MOSPD1: variants seen among roughly 807,000 people sequenced by gnomAD.
MOSPD1 encodes the protein motile sperm domain-containing protein 1.
MOSPD1 carries 5 observed loss-of-function variants against 16.7 expected under a neutral mutation model. The observed-to-expected ratio is 0.30, with a 90% confidence interval of 0.16 to 0.63. The LOEUF (loss-of-function observed/expected upper bound fraction) is 0.63. Among genes scored for constraint, MOSPD1 ranks in the 30% least tolerant of loss-of-function variants. MOSPD1 has a pLI of 0.82. For synonymous variants in MOSPD1, 67 were observed against 59.2 expected (o/e 1.13, Z -0.61); for missense variants, 104 against 153.6 (o/e 0.68, Z 1.71).
chrX:134,905,730 A>G (rs1241784707), intron 1 of MOSPD1, among the ~76,000 whole-genome samples: 1 of 112,243 alleles, frequency 8.9e-6, no homozygotes, highest in Non-Finnish European at 1.9e-5. Flanking sequence ...CTGTGGGCTA[A>G]ACAGAATAAT....
rs145825906 is a variant in MOSPD1 at position 134,899,794 on chromosome X, T to G, written c.-101-260A>C. ...AAATACAAAATACAAAAATGCAAAATCAAAAATACAAAAATTAGCTGGGTG... is the reference window on the plus strand; with the variant it reads ...AAATACAAAATACAAAAATGCAAAAGCAAAAATACAAAAATTAGCTGGGTG... On this transcript the variant is annotated intron_variant, in intron 1 of 5. Coordinates refer to ENST00000370783, the MANE Select transcript of MOSPD1 (RefSeq NM_019556.3). 383 of 123,896 alleles carry G rather than the reference T, an allele frequency of 3.1e-3. 13 individuals carry two copies. In the East Asian group the frequency reaches 0.081, roughly 26 times the overall value. 10.2% of individuals were successfully genotyped at this position (123,896 alleles called of 1,213,427 possible). A position where few individuals can be genotyped will look rare whatever the true frequency, so the allele number is the denominator to read the frequency against.
intron 4 of MOSPD1, among the ~76,000 whole-genome samples, chrX:134,893,672 C>T (rs1369381196): frequency 9.0e-6 from 1 of 110,782 alleles, no homozygotes; most frequent in Non-Finnish European, 1.9e-5. Context: ...TAAATAAGGC[C>T]ATATTATACA....
At chrX:134,896,371 T>C (rs1350097210) in intron 4 of MOSPD1, among the ~76,000 whole-genome samples, 4 of 109,739 alleles carry the variant, frequency 3.6e-5, no homozygotes, top group African/African-American at 1.3e-4. Flanking sequence ...TTTTTCAAAA[T>C]AATATGAACA....
intron 1 of MOSPD1, among the ~76,000 whole-genome samples, chrX:134,910,714 C>T (rs1469547914): frequency 1.8e-5 from 2 of 111,997 alleles, no homozygotes; most frequent in African/African-American, 6.5e-5. Context: ...GAAAGGGATG[C>T]TTAAAATGAG....
chrX:134,903,352 A>G (rs1456720353), intron 1 of MOSPD1, among the ~76,000 whole-genome samples: 1 of 111,552 alleles, frequency 9.0e-6, no homozygotes, highest in Non-Finnish European at 1.9e-5. Context: ...AAAAACAAAC[A>G]AAAAAACCTC....
intron 4 of MOSPD1, among the ~76,000 whole-genome samples, chrX:134,895,619 T>C (rs916470401): frequency 9.0e-6 from 1 of 111,669 alleles, no homozygotes; most frequent in Non-Finnish European, 1.9e-5. Context: ...AAAAAGGGAA[T>C]CTTGCATTTC....
At chrX:134,892,855 G>A (rs766297659) in intron 4 of MOSPD1, among the ~76,000 whole-genome samples, 1 of 111,412 alleles carries the variant, frequency 9.0e-6, no homozygotes, top group South Asian at 3.8e-4. Context: ...CTGCACCATT[G>A]TACTTCAGCC....
intron 1 of MOSPD1, among the ~76,000 whole-genome samples, chrX:134,903,499 G>A (rs1194332728): frequency 9.2e-6 from 1 of 108,761 alleles, no homozygotes; most frequent in African/African-American, 3.3e-5. Context: ...ATCACCTGAG[G>A]TCAGGAGTTC....
At chrX:134,891,957 T>C (rs1288434414) in intron 4 of MOSPD1, among the ~76,000 whole-genome samples, 1 of 112,425 alleles carries the variant, frequency 8.9e-6, no homozygotes, top group African/African-American at 3.2e-5. Context: ...CATCGATGTA[T>C]GCACATTTTA....
intron 1 of MOSPD1, among the ~76,000 whole-genome samples, chrX:134,912,829 C>T (rs931774772): frequency 1.8e-5 from 2 of 108,647 alleles, no homozygotes; most frequent in African/African-American, 6.7e-5. Flanking sequence ...GTCCCAGGTA[C>T]TGGGGAGGCT....
chrX:134,914,405 T>C (rs73570757), intron 1 of MOSPD1, among the ~76,000 whole-genome samples: 7,780 of 110,656 alleles, frequency 0.07, 722 homozygotes, highest in African/African-American at 0.24. Context: ...TGTCCTAGGA[T>C]TTCAGCTCCA....
chrX:134,906,078 C>T (rs373485845), intron 1 of MOSPD1, among the ~76,000 whole-genome samples: 118 of 110,346 alleles, frequency 1.1e-3, no homozygotes, highest in African/African-American at 2.5e-3. Flanking sequence ...CCATGAATCA[C>T]GAATAGGCTA....
intron 4 of MOSPD1, among the ~76,000 whole-genome samples, chrX:134,893,575 T>A (rs1006311462): frequency 6.3e-5 from 7 of 111,897 alleles, no homozygotes; most frequent in South Asian, 3.6e-4. Context: ...AATTCCACCC[T>A]CCTAGAGCTA....
At chrX:134,904,817 A>T (rs1201618614) in intron 1 of MOSPD1, among the ~76,000 whole-genome samples, 10 of 107,309 alleles carry the variant, frequency 9.3e-5, no homozygotes, top group African/African-American at 3.4e-4. Context: ...AGCCGAGATC[A>T]TGCCACTGCA....
intron 4 of MOSPD1, among the ~76,000 whole-genome samples, chrX:134,895,016 T>C (rs375556242): frequency 9.7e-4 from 106 of 109,732 alleles, no homozygotes; most frequent in African/African-American, 3.4e-3. Context: ...CCAATTTTAC[T>C]ATTAGAAAAA....
At chrX:134,891,891 T>C (rs1320626488) in intron 4 of MOSPD1, among the ~76,000 whole-genome samples, 1 of 111,656 alleles carries the variant, frequency 9.0e-6, no homozygotes, top group Non-Finnish European at 1.9e-5. Context: ...TGAAAGGTGG[T>C]CACCAACTCC....
intron 3 of MOSPD1, among the ~76,000 whole-genome samples, chrX:134,898,239 G>A (rs2082895708): frequency 9.0e-6 from 1 of 111,187 alleles, no homozygotes; most frequent in African/African-American, 3.3e-5. Flanking sequence ...TTCGTACTAG[G>A]GAACACAAAA....
In MOSPD1 at chrX:134,888,521, T is replaced by TA. The variant is rs1296459349; in HGVS notation, c.*639dup. 66 of 110,211 alleles carry TA rather than the reference T, an allele frequency of 6.0e-4. No homozygotes were observed. The highest frequency in any genetic ancestry group is 8.0e-4 in the Non-Finnish European group (42 of 52,467). 9.1% of individuals were successfully genotyped at this position (110,211 alleles called of 1,213,427 possible). Reference sequence around the variant, plus strand: ...GTCACCCTACTTCTATTAGGTTTTTTAAAAAAAAACCCCTATGATTCTTGG... The same window carrying TA: ...GTCACCCTACTTCTATTAGGTTTTTTAAAAAAAAAACCCCTATGATTCTTGG... On this transcript the variant is annotated 3_prime_UTR_variant, in exon 6 of 6. Coordinates refer to ENST00000370783, the MANE Select transcript of MOSPD1 (RefSeq NM_019556.3).
Position 134,898,269 on chromosome X carries a change from C to T in MOSPD1, c.230+821G>A, listed in dbSNP as rs978248125. Among the ~76,000 whole-genome samples the T allele has an allele frequency of 5.4e-5, 6 of 112,068 alleles. No individual in the cohort carries two copies. In the Admixed American group the frequency reaches 5.7e-4, roughly 11 times the overall value. On this transcript the variant is annotated intron_variant, in intron 3 of 5. Coordinates refer to ENST00000370783, the MANE Select transcript of MOSPD1 (RefSeq NM_019556.3). ...ACAAAACAATTAGGTCAAAGTAACA[C>T]ATTTATTTGGCAAGAGACTACATTT... is the stretch of plus-strand genomic sequence containing the variant.
Sources: allele counts gnomAD v4.1 joint callset (sites outside exome capture counted in the v4.1 genomes callset), GRCh38; gene constraint gnomAD v4.1.1; transcripts MANE v1.5; gene names NCBI Gene and HGNC (gene_info 2026-07-23, HGNC 2026-07-21).